The following LRRC4C variants were observed in gnomAD, a reference collection of about 807,000 sequenced individuals.
LRRC4C encodes the protein leucine rich repeat containing 4C.
A neutral mutation model predicts 33.6 loss-of-function variants in LRRC4C; 5 were observed. The ratio of observed to expected loss-of-function variants is 0.15; its 90% confidence interval spans 0.08 to 0.31. The LOEUF is 0.31. LRRC4C is among the 10% of genes least tolerant of loss of function. The probability of loss-of-function intolerance (pLI) is 1.00; values close to 1 mark genes in which losing one functional copy is unlikely to be tolerated. For missense variants in LRRC4C, 560 were observed against 796.7 expected (o/e 0.70, Z 3.58); for synonymous variants, 329 against 302.0 (o/e 1.09, Z -0.93).
chr11:41,022,395 G>C (rs1856047343), intron 1 of LRRC4C, among the ~76,000 whole-genome samples: 1 of 151,764 alleles, frequency 6.6e-6, no homozygotes, highest in South Asian at 2.1e-4. Context: ...GCAGTACCTG[G>C]GTTAGGGTAA....
intron 1 of LRRC4C, among the ~76,000 whole-genome samples, chr11:41,022,745 A>G (rs1200898245): frequency 6.6e-6 from 1 of 151,980 alleles, no homozygotes; most frequent in African/African-American, 2.4e-5. Flanking sequence ...AAGCAACTGA[A>G]GAGTTTTTTT....
chr11:41,137,367 C>T (rs1462277784), intron 1 of LRRC4C, among the ~76,000 whole-genome samples: 1 of 152,174 alleles, frequency 6.6e-6, no homozygotes, highest in Admixed American at 6.5e-5. Flanking sequence ...GGAGGAATGA[C>T]AGTGTCTTTA....
At chr11:40,930,609 C>T (rs1040888516) in intron 2 of LRRC4C, among the ~76,000 whole-genome samples, 2 of 152,100 alleles carry the variant, frequency 1.3e-5, no homozygotes, top group Non-Finnish European at 2.9e-5. Flanking sequence ...ACTGAGAGAC[C>T]TCCCATCTTA....
At chr11:40,294,418 T>G (rs1263593362) in intron 4 of LRRC4C, among the ~76,000 whole-genome samples, 2 of 152,062 alleles carry the variant, frequency 1.3e-5, no homozygotes, top group Admixed American at 1.3e-4. Context: ...GACATTAAAA[T>G]CAAATCACCA....
intron 1 of LRRC4C, among the ~76,000 whole-genome samples, chr11:41,085,825 A>T (rs2135513788): frequency 6.8e-6 from 1 of 146,496 alleles, no homozygotes; most frequent in Admixed American, 7.1e-5. Context: ...CTTAAGATGG[A>T]TTTTTTCGAT....
intron 1 of LRRC4C, among the ~76,000 whole-genome samples, chr11:40,981,632 G>A (rs1488365104): frequency 7.9e-5 from 12 of 151,990 alleles, no homozygotes. Flanking sequence ...CATACAGAGG[G>A]GCTTTTAAAA....
At chr11:41,134,354 T>C (rs768530359) in intron 1 of LRRC4C, among the ~76,000 whole-genome samples, 4 of 152,126 alleles carry the variant, frequency 2.6e-5, no homozygotes, top group Non-Finnish European at 4.4e-5. Flanking sequence ...TTCTACCACC[T>C]CAGCCTCCCA....
At chr11:40,928,258 A>G (rs188228942) in intron 2 of LRRC4C, among the ~76,000 whole-genome samples, 1 of 150,368 alleles carries the variant, frequency 6.7e-6, no homozygotes, top group East Asian at 1.9e-4. Context: ...TTATAAATAT[A>G]TATTTATAAA....
At chr11:41,326,857 C>A (rs879280898) in intron 1 of LRRC4C, among the ~76,000 whole-genome samples, 6 of 152,192 alleles carry the variant, frequency 3.9e-5, no homozygotes, top group Non-Finnish European at 8.8e-5. Context: ...ATACCTATAA[C>A]TCCCGATACT....
intron 1 of LRRC4C, among the ~76,000 whole-genome samples, chr11:41,093,974 T>C (rs1388679060): frequency 6.9e-6 from 1 of 145,328 alleles, no homozygotes; most frequent in African/African-American, 2.6e-5. Flanking sequence ...CCAGGTGTAG[T>C]GGCATGTGCC....
intron 2 of LRRC4C, among the ~76,000 whole-genome samples, chr11:40,672,792 A>G (rs1944193371): frequency 6.6e-6 from 1 of 152,198 alleles, no homozygotes; most frequent in South Asian, 2.1e-4. Flanking sequence ...CAGTCAAATC[A>G]TGTTTTTATG....
At chr11:40,790,896 G>A (rs1255685632) in intron 2 of LRRC4C, among the ~76,000 whole-genome samples, 1 of 152,272 alleles carries the variant, frequency 6.6e-6, no homozygotes, top group Admixed American at 6.5e-5. Context: ...GTTAATTATA[G>A]CTCCAAGGAG....
chr11:41,010,899 ACTTT>A (rs1306966577), intron 1 of LRRC4C, among the ~76,000 whole-genome samples: 1 of 152,138 alleles, frequency 6.6e-6, no homozygotes, highest in Non-Finnish European at 1.5e-5. Flanking sequence ...GGATGCTCTT[ACTTT>A]GTCAGATGTA....
At chr11:40,607,027 T>C (rs750001936) in intron 3 of LRRC4C, among the ~76,000 whole-genome samples, 12 of 152,090 alleles carry the variant, frequency 7.9e-5, no homozygotes, top group South Asian at 2.1e-4. Context: ...CATCAGAAAC[T>C]TTACAGGCAA....
At chr11:40,672,719 C>A (rs1249338744) in intron 2 of LRRC4C, among the ~76,000 whole-genome samples, 5 of 152,138 alleles carry the variant, frequency 3.3e-5, no homozygotes, top group African/African-American at 1.2e-4. Context: ...GTTGTGGAAA[C>A]AAGCTAACAT....
At chr11:41,362,465 T>A (rs1952389238) in intron 1 of LRRC4C, among the ~76,000 whole-genome samples, 1 of 152,114 alleles carries the variant, frequency 6.6e-6, no homozygotes, top group Non-Finnish European at 1.5e-5. Context: ...CTCTCTCTTT[T>A]TGATGATACC....
chr11:41,430,540 C>T (rs1462708548), intron 1 of LRRC4C, among the ~76,000 whole-genome samples: 4 of 152,048 alleles, frequency 2.6e-5, no homozygotes, highest in Non-Finnish European at 4.4e-5. Context: ...TACTGAGATG[C>T]TCACCAAATG....
intron 2 of LRRC4C, among the ~76,000 whole-genome samples, chr11:40,709,026 C>T (rs1946325901): frequency 6.6e-6 from 1 of 151,934 alleles, no homozygotes; most frequent in Admixed American, 6.6e-5. Context: ...GGATTGCAAC[C>T]TCTGCTTTTT....
At chr11:41,244,568 A>G (rs936421780) in intron 1 of LRRC4C, among the ~76,000 whole-genome samples, 1 of 152,196 alleles carries the variant, frequency 6.6e-6, no homozygotes, top group African/African-American at 2.4e-5. Context: ...GAAGGTGGCA[A>G]TTGTATCAAG....
Sources: gnomAD v4.1 joint callset for allele counts (sites outside exome capture counted in the v4.1 genomes callset) on GRCh38, gnomAD v4.1.1 for gene constraint, MANE v1.5 for transcripts, NCBI Gene and HGNC (gene_info 2026-07-23, HGNC 2026-07-21) for gene names.